IMMP2L: variants seen among roughly 807,000 people sequenced by gnomAD.
IMMP2L encodes the protein inner mitochondrial membrane peptidase subunit 2.
Under a neutral mutation model 19.3 loss-of-function variants are expected in IMMP2L, and 18 were observed. The observed-to-expected ratio is 0.93, with a 90% CI of 0.64 to 1.38. The LOEUF is 1.38. Ranked by LOEUF, IMMP2L falls within the 40% of genes most tolerant of loss-of-function variation. The pLI, the probability that IMMP2L is intolerant of heterozygous loss-of-function variation, is 0.00. For synonymous variants in IMMP2L, 76 were observed against 73.0 expected (o/e 1.04, Z -0.21); for missense variants, 233 against 218.2 (o/e 1.07, Z -0.43).
intron 5 of IMMP2L, among the ~76,000 whole-genome samples, chr7:110,862,442 C>T (rs799621): frequency 0.013 from 1,993 of 151,486 alleles, 37 homozygotes; most frequent in African/African-American, 0.045. Flanking sequence ...TGGGCTCAAG[C>T]GATCCTCCCA....
At chr7:111,229,597 AT>A (rs938468235) in intron 3 of IMMP2L, among the ~76,000 whole-genome samples, 2 of 151,976 alleles carry the variant, frequency 1.3e-5, no homozygotes, top group African/African-American at 4.8e-5. Context: ...GGTTTAAGTG[AT>A]TGTGTGGTTT....
chr7:111,356,676 T>C (rs1828733247), intron 3 of IMMP2L, among the ~76,000 whole-genome samples: 1 of 152,074 alleles, frequency 6.6e-6, no homozygotes, highest in African/African-American at 2.4e-5. Context: ...ATAAAACTGG[T>C]TTTTAAAAAA....
intron 5 of IMMP2L, among the ~76,000 whole-genome samples, chr7:110,841,548 T>G (rs28437975): frequency 6.6e-6 from 1 of 152,110 alleles, no homozygotes; most frequent in Non-Finnish European, 1.5e-5. Flanking sequence ...CACATGAATA[T>G]GTTCATGCTT....
chr7:110,686,793 A>T (rs1793146295), intron 5 of IMMP2L, among the ~76,000 whole-genome samples: 2 of 152,128 alleles, frequency 1.3e-5, no homozygotes, highest in South Asian at 4.2e-4. Context: ...ACCTCAATAC[A>T]AAACTCTCCA....
intron 3 of IMMP2L, among the ~76,000 whole-genome samples, chr7:111,204,333 A>C (rs576943686): frequency 5.0e-4 from 76 of 152,308 alleles, no homozygotes; most frequent in African/African-American, 1.8e-3. Flanking sequence ...CAAGGGCATA[A>C]AACAACAACA....
intron 3 of IMMP2L, among the ~76,000 whole-genome samples, chr7:111,282,355 G>A (rs1013352477): frequency 5.9e-5 from 9 of 152,168 alleles, no homozygotes; most frequent in African/African-American, 2.2e-4. Flanking sequence ...AAAGGGAAGA[G>A]TATGGTATTT....
chr7:110,744,925 T>A (rs1337723828), intron 5 of IMMP2L, among the ~76,000 whole-genome samples: 1 of 152,040 alleles, frequency 6.6e-6, no homozygotes, highest in Non-Finnish European at 1.5e-5. Context: ...GACGTTAAGC[T>A]CCAGAAGATG....
intron 3 of IMMP2L, among the ~76,000 whole-genome samples, chr7:111,445,425 C>A (rs577044018): frequency 1.5e-4 from 23 of 151,484 alleles, no homozygotes; most frequent in Non-Finnish European, 2.4e-4. Context: ...TACATACATA[C>A]ATACATACAT....
At chr7:111,170,770 G>T (rs902486451) in intron 3 of IMMP2L, among the ~76,000 whole-genome samples, 1 of 151,598 alleles carries the variant, frequency 6.6e-6, no homozygotes, top group South Asian at 2.1e-4. Context: ...AATTTTTATA[G>T]ATTTAGGAGG....
At chr7:111,087,602 G>T (rs1438477967) in intron 3 of IMMP2L, among the ~76,000 whole-genome samples, 1 of 151,976 alleles carries the variant, frequency 6.6e-6, no homozygotes, top group Non-Finnish European at 1.5e-5. Context: ...CTCGACAGAT[G>T]TTATTTTATC....
At chr7:110,804,230 T>G (rs1032379807) in intron 5 of IMMP2L, among the ~76,000 whole-genome samples, 3 of 152,060 alleles carry the variant, frequency 2.0e-5, no homozygotes, top group African/African-American at 7.2e-5. Context: ...TTTATTTAAA[T>G]GCTAGATCCT....
intron 1 of IMMP2L, among the ~76,000 whole-genome samples, chr7:111,555,308 G>A (rs1346341605): frequency 2.6e-5 from 4 of 152,122 alleles, no homozygotes; most frequent in Non-Finnish European, 4.4e-5. Flanking sequence ...AGGGCCAGAC[G>A]TAGTGAGAGC....
At chr7:110,983,172 T>C (rs1585583710) in intron 3 of IMMP2L, among the ~76,000 whole-genome samples, 2 of 152,116 alleles carry the variant, frequency 1.3e-5, no homozygotes, top group South Asian at 2.1e-4. Context: ...AAGAAGTTAT[T>C]GGCTATTATT....
intron 3 of IMMP2L, among the ~76,000 whole-genome samples, chr7:111,142,121 TGCGAGAC>T (rs1802964611): frequency 6.6e-6 from 1 of 151,258 alleles, no homozygotes; most frequent in African/African-American, 2.4e-5. Flanking sequence ...AGATCGGGAG[TGCGAGAC>T]CAGCCTGGCC....
At chr7:111,322,427 C>T (rs1042852539) in intron 3 of IMMP2L, among the ~76,000 whole-genome samples, 1 of 151,720 alleles carries the variant, frequency 6.6e-6, no homozygotes, top group African/African-American at 2.4e-5. Flanking sequence ...CTGAATTGTA[C>T]AGACAGAACC....
intron 4 of IMMP2L, among the ~76,000 whole-genome samples, chr7:110,897,049 A>G (rs1424303020): frequency 6.6e-6 from 1 of 152,156 alleles, no homozygotes; most frequent in African/African-American, 2.4e-5. Flanking sequence ...TCCTGGCCTC[A>G]AGTGATCCTC....
At chr7:111,376,549 GC>G (rs1435433214) in intron 3 of IMMP2L, among the ~76,000 whole-genome samples, 1 of 151,994 alleles carries the variant, frequency 6.6e-6, no homozygotes, top group African/African-American at 2.4e-5. Flanking sequence ...TCTACTCCTA[GC>G]TATATATATA....
rs565536260 is a variant in IMMP2L, at chr7:111,144,755, A to G, written c.240-181190T>C. 3.3e-5 allele frequency among the ~76,000 whole-genome samples: 5 copies of G among 152,286 alleles called. No individual in the cohort carries two copies. In the East Asian group the frequency reaches 9.7e-4, roughly 29 times the overall value. On this transcript the variant is annotated intron_variant, in intron 3 of 5. Coordinates refer to ENST00000405709, the MANE Select transcript of IMMP2L (RefSeq NM_032549.4). The stretch of plus-strand genomic sequence containing the variant: ...ATGAGGATTCTTGAGCATTTATTCA[A>G]TAGATGTTTCTTAACTATTTATGTG...
At chr7:110,806,503 C>T (rs899640790) in intron 5 of IMMP2L, among the ~76,000 whole-genome samples, 46 of 151,932 alleles carry the variant, frequency 3.0e-4, no homozygotes, top group Admixed American at 3.0e-3. Context: ...ATCTTATTCC[C>T]TATTATCTTG....
Sources: allele counts gnomAD v4.1 joint callset (sites outside exome capture counted in the v4.1 genomes callset), GRCh38; gene constraint gnomAD v4.1.1; transcripts MANE v1.5; gene names NCBI Gene and HGNC (gene_info 2026-07-23, HGNC 2026-07-21).